RSRC1: variants seen among roughly 807,000 people sequenced by gnomAD.
RSRC1 encodes the protein arginine and serine rich coiled-coil 1.
RSRC1 carries 39 observed loss-of-function variants against 49.1 expected under a neutral mutation model. The ratio of observed to expected loss-of-function variants is 0.79; its 90% CI spans 0.61 to 1.04. RSRC1 has a LOEUF of 1.04. Among genes scored for constraint, RSRC1 ranks in the 50% least tolerant of loss-of-function variants. The pLI is 0.00. For missense variants in RSRC1, 388 were observed against 402.4 expected (o/e 0.96, Z 0.31); for synonymous variants, 143 against 130.8 (o/e 1.09, Z -0.63).
At chr3:158,122,053 C>G in intron 1 of RSRC1, 50 bp from the exon 2 acceptor site, 3 of 1,038,916 alleles carry the variant, frequency 2.9e-6, no homozygotes, top group Non-Finnish European at 4.0e-6. Flanking sequence ...TGCATTTCAT[C>G]CATTGTGCCA....
At chr3:158,268,103 G>T (rs145061504) in intron 4 of RSRC1, among the ~76,000 whole-genome samples, 1 of 152,094 alleles carries the variant, frequency 6.6e-6, no homozygotes, top group East Asian at 1.9e-4. Context: ...TGTCAGCTAA[G>T]AATTTAAGTA....
At chr3:158,367,213 C>T (rs762260526) in intron 6 of RSRC1, among the ~76,000 whole-genome samples, 5 of 152,036 alleles carry the variant, frequency 3.3e-5, no homozygotes, top group South Asian at 2.1e-4. Flanking sequence ...TGTCTCGTGC[C>T]GGTTTTCAAA....
At chr3:158,459,323 C>G (rs1737500928) in intron 6 of RSRC1, among the ~76,000 whole-genome samples, 1 of 152,054 alleles carries the variant, frequency 6.6e-6, no homozygotes, top group Non-Finnish European at 1.5e-5. Flanking sequence ...TTTAGGCAGG[C>G]TAGTTTATTG....
At chr3:158,419,472 C>G (rs779690769) in intron 6 of RSRC1, among the ~76,000 whole-genome samples, 1 of 151,896 alleles carries the variant, frequency 6.6e-6, no homozygotes, top group Non-Finnish European at 1.5e-5. Flanking sequence ...TGTTTTTGTT[C>G]ATTGAGAGAG....
At chr3:158,318,593 A>G (rs574912886) in intron 5 of RSRC1, among the ~76,000 whole-genome samples, 1 of 152,274 alleles carries the variant, frequency 6.6e-6, no homozygotes, top group Admixed American at 6.5e-5. Flanking sequence ...TTGGGGGGAA[A>G]AAGAAAAAAG....
intron 7 of RSRC1, among the ~76,000 whole-genome samples, chr3:158,522,839 A>T (rs1711778668): frequency 2.0e-5 from 3 of 152,056 alleles, no homozygotes; most frequent in Non-Finnish European, 4.4e-5. Context: ...TCTATTAGTC[A>T]TTCATTCTTT....
At chr3:158,185,339 G>T (rs1406868182) in intron 3 of RSRC1, among the ~76,000 whole-genome samples, 1 of 151,896 alleles carries the variant, frequency 6.6e-6, no homozygotes, top group Non-Finnish European at 1.5e-5. Flanking sequence ...CCACTGCAGA[G>T]ATGGGCGATG....
intron 7 of RSRC1, among the ~76,000 whole-genome samples, chr3:158,494,312 A>C (rs983412782): frequency 6.6e-6 from 1 of 152,184 alleles, no homozygotes; most frequent in African/African-American, 2.4e-5. Context: ...AGTTTGGTAA[A>C]AATATGATAT....
chr3:158,503,365 T>C (rs145554897), intron 7 of RSRC1, among the ~76,000 whole-genome samples: 1,809 of 152,228 alleles, frequency 0.012, 45 homozygotes, highest in African/African-American at 0.041. Flanking sequence ...AGGGTTGGCC[T>C]CCTGCTGGGA....
chr3:158,497,386 C>T (rs1014783865), intron 7 of RSRC1, among the ~76,000 whole-genome samples: 11 of 151,458 alleles, frequency 7.3e-5, no homozygotes, highest in Non-Finnish European at 1.6e-4. Flanking sequence ...TTGTAGTCTT[C>T]TATCCCTTGC....
rs34356543 is a variant in RSRC1, at chr3:158,242,032, CTTTTTTTTTTTTTT to C, written c.494+38800_494+38813del. Among the ~76,000 whole-genome samples the C allele has an allele frequency of 9.9e-4, 66 of 66,634 alleles. 1 individual carries two copies. The highest frequency in any genetic ancestry group is 3.9e-3 in the African/African-American group (60 of 15,316). The allele number at this position is 66,634 out of a possible 152,430, so 43.7% of individuals were successfully genotyped here. A position where few individuals can be genotyped will look rare whatever the true frequency, so the allele number is the denominator to read the frequency against. ...TTCTTTGTTTTTCTTAATTTCCAAC[CTTTTTTTTTTTTTT>C]TTTTTTTTTTTTAGTTTAGGGGTAC... On this transcript the variant is annotated intron_variant, in intron 4 of 9. Coordinates refer to ENST00000611884, the MANE Select transcript of RSRC1 (RefSeq NM_001271838.2).
At position 158,130,463 on chromosome 3, in the gene RSRC1, T is replaced by C. The variant is rs116381181; in HGVS notation, c.320+6472T>C. 7.5e-3 allele frequency among the ~76,000 whole-genome samples: 1,147 copies of C among 152,356 alleles called. 6 individuals are homozygous for C. The highest frequency in any genetic ancestry group is 0.026 in the African/African-American group (1,089 of 41,592). On this transcript the variant is annotated intron_variant, in intron 3 of 9. Transcript: ENST00000611884. ...GTTGAATATTCCTTATCTGAAATAC[T>C]TGGGACCTAAAGTGTTTTGGATTTT...
intron 3 of RSRC1, among the ~76,000 whole-genome samples, chr3:158,194,287 A>G (rs1279916790): frequency 1.3e-5 from 2 of 151,848 alleles, no homozygotes; most frequent in East Asian, 1.9e-4. Flanking sequence ...TAAATAAATA[A>G]AGGAATGAAG....
chr3:158,200,872 A>C (rs773681591), intron 3 of RSRC1, among the ~76,000 whole-genome samples: 2 of 152,094 alleles, frequency 1.3e-5, no homozygotes, highest in African/African-American at 2.4e-5. Flanking sequence ...TACTTTGAGC[A>C]CTTATATGTG....
intron 3 of RSRC1, among the ~76,000 whole-genome samples, chr3:158,191,206 C>T (rs1178166932): frequency 6.6e-6 from 1 of 151,856 alleles, no homozygotes; most frequent in Non-Finnish European, 1.5e-5. Flanking sequence ...AAAAAAATTC[C>T]TTTTATTGTT....
intron 5 of RSRC1, among the ~76,000 whole-genome samples, chr3:158,345,495 G>C (rs1415625108): frequency 6.6e-6 from 1 of 152,032 alleles, no homozygotes; most frequent in Non-Finnish European, 1.5e-5. Flanking sequence ...TCCTCAAATT[G>C]ATATGTAGAG....
intron 7 of RSRC1, among the ~76,000 whole-genome samples, chr3:158,496,304 GCCTCAAAAT>G (rs923067810): frequency 6.6e-6 from 1 of 152,120 alleles, no homozygotes; most frequent in Non-Finnish European, 1.5e-5. Context: ...GCTTTAGTGT[GCCTCAAAAT>G]CACCTGGAGA....
intron 7 of RSRC1, among the ~76,000 whole-genome samples, chr3:158,524,820 C>G (rs989852322): frequency 6.6e-6 from 1 of 151,980 alleles, no homozygotes; most frequent in Non-Finnish European, 1.5e-5. Flanking sequence ...ACAAATGCGA[C>G]TGAAAAAACT....
chr3:158,364,085 C>A (rs1731627155), intron 6 of RSRC1, among the ~76,000 whole-genome samples: 2 of 152,154 alleles, frequency 1.3e-5, no homozygotes, highest in Admixed American at 6.6e-5. Context: ...AAGCCAAGTC[C>A]TGACCCTTTC....
Sources: gnomAD v4.1 joint callset for allele counts (sites outside exome capture counted in the v4.1 genomes callset) on GRCh38, gnomAD v4.1.1 for gene constraint, MANE v1.5 for transcripts, NCBI Gene and HGNC (gene_info 2026-07-23, HGNC 2026-07-21) for gene names.